PKNOX2: variants seen among roughly 807,000 people sequenced by gnomAD.
The protein encoded by PKNOX2 is homeobox protein PKNOX2.
A neutral mutation model predicts 53.1 loss-of-function variants in PKNOX2; 14 were observed. The ratio of observed to expected loss-of-function variants is 0.26; its 90% CI spans 0.17 to 0.41. The LOEUF is 0.41. Among genes scored for constraint, PKNOX2 ranks in the 10% least tolerant of loss-of-function variants. The pLI is 1.00. For missense variants in PKNOX2, 496 were observed against 602.8 expected (o/e 0.82, Z 1.85); for synonymous variants, 257 against 242.8 (o/e 1.06, Z -0.54).
intron 1 of PKNOX2, among the ~76,000 whole-genome samples, chr11:125,192,025 C>T (rs1406516042): frequency 2.0e-5 from 3 of 151,838 alleles, no homozygotes; most frequent in African/African-American, 7.3e-5. Context: ...GATGAAATAT[C>T]GACATCTGAG....
chr11:125,256,117 G>A (rs999392759), intron 2 of PKNOX2, among the ~76,000 whole-genome samples: 7 of 152,036 alleles, frequency 4.6e-5, no homozygotes, highest in East Asian at 1.9e-4. Context: ...AGGCTGAAAC[G>A]TCAGGGTGAA....
At chr11:125,298,453 A>G (rs924521695) in intron 2 of PKNOX2, among the ~76,000 whole-genome samples, 6 of 152,156 alleles carry the variant, frequency 3.9e-5, no homozygotes, top group Non-Finnish European at 8.8e-5. Context: ...CCTGGCCACC[A>G]GAGTGGAGGG....
chr11:125,242,255 G>A (rs1943211323), intron 2 of PKNOX2, among the ~76,000 whole-genome samples: 1 of 152,198 alleles, frequency 6.6e-6, no homozygotes, highest in African/African-American at 2.4e-5. Context: ...GCAAGGCAGT[G>A]TTGGTCTGTA....
At chr11:125,271,707 T>C (rs1945805468) in intron 2 of PKNOX2, among the ~76,000 whole-genome samples, 1 of 151,306 alleles carries the variant, frequency 6.6e-6, no homozygotes, top group Non-Finnish European at 1.5e-5. Flanking sequence ...AGCAAATTGA[T>C]GACTTTGTCA....
At chr11:125,401,449 T>C (rs1445718781) in intron 7 of PKNOX2, among the ~76,000 whole-genome samples, 1 of 152,150 alleles carries the variant, frequency 6.6e-6, no homozygotes, top group African/African-American at 2.4e-5. Context: ...TTTCTCTGAC[T>C]GCCACTGCCT....
intron 2 of PKNOX2, among the ~76,000 whole-genome samples, chr11:125,246,719 T>C (rs973957271): frequency 6.6e-6 from 1 of 152,194 alleles, no homozygotes; most frequent in African/African-American, 2.4e-5. Context: ...ATGTTAGGCA[T>C]GCTTGACCCT....
intron 10 of PKNOX2, among the ~76,000 whole-genome samples, chr11:125,419,783 C>T (rs1387388217): frequency 6.6e-6 from 1 of 151,240 alleles, no homozygotes; most frequent in African/African-American, 2.4e-5. Context: ...ATAATCCCAG[C>T]ACTTTAGGAG....
intron 6 of PKNOX2, among the ~76,000 whole-genome samples, chr11:125,391,869 T>C (rs1427612632): frequency 6.6e-6 from 1 of 152,194 alleles, no homozygotes; most frequent in Non-Finnish European, 1.5e-5. Context: ...TTGGCGGTGA[T>C]GTTGAATTAA....
At chr11:125,280,140 A>T (rs556880947) in intron 2 of PKNOX2, among the ~76,000 whole-genome samples, 2 of 145,180 alleles carry the variant, frequency 1.4e-5, no homozygotes, top group East Asian at 2.0e-4. Flanking sequence ...CAGTGGGGTG[A>T]TATCTGAAAT....
At chr11:125,236,300 G>A (rs1942686609) in intron 2 of PKNOX2, among the ~76,000 whole-genome samples, 1 of 151,154 alleles carries the variant, frequency 6.6e-6, no homozygotes, top group Non-Finnish European at 1.5e-5. Context: ...GCCCTGCTCA[G>A]GAGCAGTCGG....
intron 2 of PKNOX2, among the ~76,000 whole-genome samples, chr11:125,305,957 A>G (rs1948421255): frequency 6.6e-6 from 1 of 152,228 alleles, no homozygotes; most frequent in African/African-American, 2.4e-5. Context: ...GTCCTTTTTA[A>G]AAGCCAGGTG....
intron 3 of PKNOX2, among the ~76,000 whole-genome samples, chr11:125,337,223 G>A (rs1950474503): frequency 6.6e-6 from 1 of 152,152 alleles, no homozygotes; most frequent in Non-Finnish European, 1.5e-5. Flanking sequence ...CCTGTGGAAG[G>A]GTCGTTACAA....
At chr11:125,407,931 A>G (rs924627467) in intron 7 of PKNOX2, among the ~76,000 whole-genome samples, 3 of 152,196 alleles carry the variant, frequency 2.0e-5, no homozygotes, top group Admixed American at 2.0e-4. Context: ...CACTGTATAC[A>G]TAAGGAGATG....
intron 2 of PKNOX2, among the ~76,000 whole-genome samples, chr11:125,294,850 C>T (rs1426609335): frequency 6.6e-6 from 1 of 152,228 alleles, no homozygotes; most frequent in Non-Finnish European, 1.5e-5. Flanking sequence ...TAGATCCCTT[C>T]ACCACCTGCC....
chr11:125,196,639 C>T (rs1179109059), intron 1 of PKNOX2, among the ~76,000 whole-genome samples: 1 of 152,214 alleles, frequency 6.6e-6, no homozygotes, highest in Non-Finnish European at 1.5e-5. Flanking sequence ...TCAAACCCTG[C>T]TCCAATTTCA....
rs545070710 is a variant in PKNOX2, at chr11:125,308,401, G to A, written c.-129-23418G>A. Among the ~76,000 whole-genome samples, 9 of 152,260 alleles carry A rather than the reference G, an allele frequency of 5.9e-5. No individual in the cohort carries two copies. In the South Asian group the frequency reaches 1.9e-3, roughly 32 times the overall value. On this transcript the variant is annotated intron_variant, in intron 2 of 12. Transcript: ENST00000298282. ...CTGCTCAGTCCTGCTCATGCTCTGG[G>A]GAAGACTCAGCGGGAGCTGCATTCC... is the stretch of plus-strand genomic sequence containing the variant.
intron 2 of PKNOX2, among the ~76,000 whole-genome samples, chr11:125,290,291 G>A (rs1254424516): frequency 3.3e-5 from 5 of 152,190 alleles, no homozygotes; most frequent in Non-Finnish European, 5.9e-5. Context: ...GAGCGGAGCC[G>A]GCCTTGGTCA....
At position 125,431,956 on chromosome 11, in the gene PKNOX2, T is replaced by A. The variant is rs1050363238; in HGVS notation, c.*564T>A. The A allele has an allele frequency of 6.5e-6, 1 of 154,576 alleles. No homozygotes were observed. Among genetic ancestry groups the A allele is most frequent in the Non-Finnish European group, 1.4e-5 (1 of 69,658 alleles). The allele number at this position is 154,576 out of a possible 1,614,324, so 9.6% of individuals were successfully genotyped here. ...AGGCATCACATCTTGCAGATCAGAA[T>A]GGGATGGAATCCACCAGGCTCCAGC... On this transcript the variant is annotated 3_prime_UTR_variant, in exon 13 of 13. Transcript: ENST00000298282.
intron 5 of PKNOX2, among the ~76,000 whole-genome samples, chr11:125,376,532 G>C (rs1225537730): frequency 2.0e-5 from 3 of 152,178 alleles, no homozygotes; most frequent in Admixed American, 6.5e-5. Flanking sequence ...AAGAAGGCAG[G>C]TCCTTTCGTA....
Sources: gnomAD v4.1 joint callset for allele counts (sites outside exome capture counted in the v4.1 genomes callset) on GRCh38, gnomAD v4.1.1 for gene constraint, MANE v1.5 for transcripts, NCBI Gene and HGNC (gene_info 2026-07-23, HGNC 2026-07-21) for gene names.